Variants in MYO1E observed in about 807,000 individuals in gnomAD.
MYO1E encodes unconventional myosin-Ie.
In MYO1E, 68 loss-of-function variants were observed where a neutral mutation model predicts 151.1. That is an observed-to-expected ratio of 0.45 (90% CI 0.37 to 0.55). The LOEUF (loss-of-function observed/expected upper bound fraction) is 0.55, where lower values mean the gene tolerates loss of function less well. Ranked by LOEUF, MYO1E falls within the 20% of genes least tolerant of loss-of-function variation. The pLI, the probability that MYO1E is intolerant of heterozygous loss-of-function variation, is 0.00. For missense variants in MYO1E, 1,363 were observed against 1,389.3 expected (o/e 0.98, Z 0.30); for synonymous variants, 601 against 501.7 (o/e 1.20, Z -2.64).
intron 1 of MYO1E, among the ~76,000 whole-genome samples, chr15:59,293,623 C>T (rs2080432499): frequency 6.6e-6 from 1 of 152,080 alleles, no homozygotes; most frequent in Admixed American, 6.5e-5. Flanking sequence ...TCAGCTGAAT[C>T]TAAAATATTA....
chr15:59,327,534 CA>C lies in MYO1E; in HGVS notation c.3+44963del, dbSNP rs553960954. Among the ~76,000 whole-genome samples, 50 of 152,144 alleles carry C rather than the reference CA, an allele frequency of 3.3e-4. No homozygotes were observed. The South Asian group carries it at 0.01, about 31-fold the overall frequency. On this transcript the variant is annotated intron_variant, in intron 1 of 27. Transcript: ENST00000288235. ...CTCCCTATGTTTCCCAGGCTTGTCT[CA>C]AACTCCTGGCCTTAAGCAATTCTCC...
intron 1 of MYO1E, among the ~76,000 whole-genome samples, chr15:59,292,222 T>TTATC (rs1396003833): frequency 6.6e-6 from 1 of 152,220 alleles, no homozygotes; most frequent in African/African-American, 2.4e-5. Context: ...CTATGATAGT[T>TTATC]TTACAGGATT....
At chr15:59,176,725 G>A (rs1210334833) in intron 19 of MYO1E, among the ~76,000 whole-genome samples, 1 of 152,126 alleles carries the variant, frequency 6.6e-6, no homozygotes, top group Non-Finnish European at 1.5e-5. Context: ...CCAAAGTATT[G>A]AGATTAGAGG....
intron 1 of MYO1E, among the ~76,000 whole-genome samples, chr15:59,364,887 C>A (rs1384798464): frequency 1.3e-5 from 2 of 151,868 alleles, no homozygotes; most frequent in African/African-American, 4.8e-5. Context: ...CCAGCCTGGG[C>A]GACAGAGTGA....
rs576361364 is a variant in MYO1E, at chr15:59,137,289, C to T, written c.*91G>A. The stretch of plus-strand genomic sequence containing the variant: ...TCCAGGCCTTGGAGAAGCAATTGCT[C>T]ATTGTGGATTGTAAGGGGAGCCCCT... On this transcript the variant is annotated 3_prime_UTR_variant, in exon 28 of 28. Transcript: ENST00000288235. 1,440 of 1,160,888 alleles carry T rather than the reference C, an allele frequency of 1.2e-3. 1 individual carries two copies. Among genetic ancestry groups the T allele is most frequent in the Non-Finnish European group, 1.7e-3 (1,349 of 771,494 alleles). The allele number at this position is 1,160,888 out of a possible 1,614,324, so 71.9% of individuals were successfully genotyped here.
In MYO1E at chr15:59,231,820, G is replaced by C. The variant is rs1420733294; in HGVS notation, c.421-29C>G. 4 of 1,609,686 alleles carry C rather than the reference G, an allele frequency of 2.5e-6. No individual in the cohort carries two copies. The East Asian group carries it at 8.9e-5, about 36-fold the overall frequency. ...TCCCAGCAAATAGACCGGAGGTTAG[G>C]AAGGTGTGAACACCTACCACACAGT... On this transcript the variant is annotated intron_variant, in intron 5 of 27. Coordinates refer to ENST00000288235, the MANE Select transcript of MYO1E (RefSeq NM_004998.4).
chr15:59,191,332 CAGAGAGAGAGAGAG>C (rs34694267), intron 17 of MYO1E, among the ~76,000 whole-genome samples: 4 of 105,744 alleles, frequency 3.8e-5, no homozygotes, highest in African/African-American at 1.0e-4. Flanking sequence ...CAGACAGAGA[CAGAGAGAGAGAGAG>C]AGAGAGAGAG....
chr15:59,150,449 G>A (rs573043566), intron 26 of MYO1E, among the ~76,000 whole-genome samples: 3 of 152,232 alleles, frequency 2.0e-5, no homozygotes, highest in Non-Finnish European at 4.4e-5. Flanking sequence ...GTGCAAGTTT[G>A]CAACTTGCAA....
chr15:59,175,498 AAAC>A lies in MYO1E; in HGVS notation c.2050-1261_2050-1259del, dbSNP rs1407295686. 7.9e-5 allele frequency among the ~76,000 whole-genome samples: 12 copies of A among 152,292 alleles called. No individual in the cohort carries two copies. The South Asian group carries it at 2.3e-3, about 29-fold the overall frequency. On this transcript the variant is annotated intron_variant, in intron 19 of 27. Transcript: ENST00000288235. ...TCTCCTCACAGATCCATCTGTGCAGAAACAACAACTCAAACTCCAAACACCAGG... is the reference window on the plus strand; with the variant it reads ...TCTCCTCACAGATCCATCTGTGCAGAAACAACTCAAACTCCAAACACCAGG...
chr15:59,195,643 C>G (rs1290811634), intron 16 of MYO1E, 76 bp from the exon 17 acceptor site: 1 of 1,304,978 alleles, frequency 7.7e-7, no homozygotes, highest in Non-Finnish European at 1.1e-6. Context: ...ACTTGTAAAA[C>G]TCTCTTGTAG....
At chr15:59,226,648 A>C (rs1245284560) in intron 7 of MYO1E, among the ~76,000 whole-genome samples, 1 of 152,100 alleles carries the variant, frequency 6.6e-6, no homozygotes, top group Non-Finnish European at 1.5e-5. Flanking sequence ...CTCTACGAAA[A>C]ATACAAAAAT....
At chr15:59,163,029 C>A in intron 23 of MYO1E, 128 bp downstream of exon 23, 1 of 1,056,306 alleles carries the variant, frequency 9.5e-7, no homozygotes. Context: ...TCTAAGGTTC[C>A]ACTGGGGCCA....
intron 16 of MYO1E, among the ~76,000 whole-genome samples, chr15:59,201,138 C>T (rs1347834050): frequency 1.4e-5 from 2 of 146,838 alleles, no homozygotes; most frequent in Admixed American, 6.9e-5. Context: ...GACAGGGTCT[C>T]GTTCTGTCCC....
At chr15:59,142,753 G>A (rs2079418001) in intron 26 of MYO1E, among the ~76,000 whole-genome samples, 1 of 152,026 alleles carries the variant, frequency 6.6e-6, no homozygotes, top group Non-Finnish European at 1.5e-5. Flanking sequence ...TTCTTCATGA[G>A]CCCTGGTTGG....
chr15:59,137,537 T>G, intron 27 of MYO1E, 81 bp from the exon 28 acceptor site: 1 of 1,138,822 alleles, frequency 8.8e-7, no homozygotes, highest in Non-Finnish European at 1.3e-6. Context: ...TCCCATGGGC[T>G]CAAGTGATTT....
chr15:59,322,183 A>T lies in MYO1E; in HGVS notation c.4-49734T>A, dbSNP rs1483688748. ...GAGTAAGACTCTGTCTCAAAAATTAAAAAAAAAAAAAATAGAAAGAAAAGA... is the reference window on the plus strand; with the variant it reads ...GAGTAAGACTCTGTCTCAAAAATTATAAAAAAAAAAAATAGAAAGAAAAGA... On this transcript the variant is annotated intron_variant, in intron 1 of 27. Coordinates refer to ENST00000288235, the MANE Select transcript of MYO1E (RefSeq NM_004998.4). Among the ~76,000 whole-genome samples the T allele has an allele frequency of 5.3e-5, 4 of 76,092 alleles. No individual in the cohort carries two copies. In the African/African-American group the frequency reaches 1.4e-3, roughly 27 times the overall value. 49.9% of individuals were successfully genotyped at this position (76,092 alleles called of 152,430 possible).
intron 26 of MYO1E, among the ~76,000 whole-genome samples, chr15:59,152,310 C>T (rs1273356090): frequency 2.0e-5 from 3 of 152,196 alleles, no homozygotes; most frequent in Non-Finnish European, 4.4e-5. Context: ...TCTCTTCCTG[C>T]ACAGGTCTAT....
intron 22 of MYO1E, among the ~76,000 whole-genome samples, chr15:59,170,684 T>C (rs2079588074): frequency 6.6e-6 from 1 of 151,966 alleles, no homozygotes; most frequent in Non-Finnish European, 1.5e-5. Context: ...CTTTACCACA[T>C]CCTGAGTTGG....
At chr15:59,250,703 G>A (rs182942238) in intron 4 of MYO1E, among the ~76,000 whole-genome samples, 1 of 152,302 alleles carries the variant, frequency 6.6e-6, no homozygotes, top group African/African-American at 2.4e-5. Context: ...GATGTCTGCA[G>A]GGTGGGCAGT....
Sources: gnomAD v4.1 joint callset for allele counts (sites outside exome capture counted in the v4.1 genomes callset) on GRCh38, gnomAD v4.1.1 for gene constraint, MANE v1.5 for transcripts, NCBI Gene and HGNC (gene_info 2026-07-23, HGNC 2026-07-21) for gene names.